COL22A1: variants seen among roughly 807,000 people sequenced by gnomAD.
The protein encoded by COL22A1 is collagen alpha-1(XXII) chain.
A neutral mutation model predicts 248.9 loss-of-function variants in COL22A1; 221 were observed. The ratio of observed to expected loss-of-function variants is 0.89; its 90% CI spans 0.80 to 0.99. The LOEUF (loss-of-function observed/expected upper bound fraction) is 0.99, where lower values mean the gene tolerates loss of function less well. COL22A1 is among the 50% of genes least tolerant of loss of function. The pLI is 0.00. For missense variants in COL22A1, 2,240 were observed against 2,179.0 expected (o/e 1.03, Z -0.56); for synonymous variants, 891 against 793.4 (o/e 1.12, Z -2.07).
At chr8:138,876,919 G>C (rs535708172) in intron 3 of COL22A1, among the ~76,000 whole-genome samples, 1 of 152,366 alleles carries the variant, frequency 6.6e-6, no homozygotes, top group African/African-American at 2.4e-5. Context: ...AGCACCCACT[G>C]TGACTGGAGA....
At chr8:138,727,292 A>T (rs1247128078) in intron 23 of COL22A1, among the ~76,000 whole-genome samples, 1 of 151,642 alleles carries the variant, frequency 6.6e-6, no homozygotes, top group South Asian at 2.1e-4. Context: ...CTTCTGAGCC[A>T]TCTCCACCTT....
At chr8:138,602,032 G>T in intron 60 of COL22A1, 83 bp downstream of exon 60, 1 of 1,500,420 alleles carries the variant, frequency 6.7e-7, no homozygotes, top group Non-Finnish European at 9.3e-7. Context: ...AACTGCCTTG[G>T]ACAAAGGCCA....
intron 3 of COL22A1, among the ~76,000 whole-genome samples, chr8:138,852,982 C>CAA (rs1019994548): frequency 1.0e-4 from 14 of 138,408 alleles, no homozygotes; most frequent in African/African-American, 2.7e-4. Flanking sequence ...ATATCTACTA[C>CAA]AAAAAAAAAA....
At chr8:138,853,108 G>T (rs2131911773) in intron 3 of COL22A1, among the ~76,000 whole-genome samples, 1 of 152,288 alleles carries the variant, frequency 6.6e-6, no homozygotes, top group East Asian at 1.9e-4. Context: ...CCAGAAGGGA[G>T]AGGCTACAGT....
intron 30 of COL22A1, among the ~76,000 whole-genome samples, chr8:138,707,458 C>T (rs1828567087): frequency 6.6e-6 from 1 of 152,156 alleles, no homozygotes; most frequent in African/African-American, 2.4e-5. Context: ...TGGCTTCATC[C>T]CTGGGATGCA....
At chr8:138,616,881 T>TG in intron 54 of COL22A1, 33 bp downstream of exon 54, 1 of 1,613,606 alleles carries the variant, frequency 6.2e-7, no homozygotes, top group Non-Finnish European at 8.5e-7. Flanking sequence ...TCTGCCCACC[T>TG]GGGGGGACCT....
At chr8:138,697,670 C>T (rs750713631) in intron 32 of COL22A1, among the ~76,000 whole-genome samples, 7 of 152,178 alleles carry the variant, frequency 4.6e-5, no homozygotes, top group Non-Finnish European at 1.0e-4. Context: ...CCCTCATCTC[C>T]TTTCCATTCT....
At chr8:138,829,401 C>CTTTTTTT (rs1483155408) in intron 5 of COL22A1, among the ~76,000 whole-genome samples, 4 of 82,238 alleles carry the variant, frequency 4.9e-5, no homozygotes, top group Admixed American at 1.5e-4. Context: ...CCTTCCTTTC[C>CTTTTTTT]TGTTTTTTTT....
intron 46 of COL22A1, among the ~76,000 whole-genome samples, chr8:138,648,168 CA>C (rs1452438861): frequency 6.6e-6 from 1 of 152,222 alleles, no homozygotes; most frequent in Non-Finnish European, 1.5e-5. Context: ...TATTCTTAGT[CA>C]AATCAGCTTT....
At chr8:138,718,273 G>C (rs1012652806) in intron 27 of COL22A1, among the ~76,000 whole-genome samples, 1 of 152,186 alleles carries the variant, frequency 6.6e-6, no homozygotes, top group African/African-American at 2.4e-5. Context: ...AGCACAATTA[G>C]TAAGAATTGC....
intron 62 of COL22A1, among the ~76,000 whole-genome samples, chr8:138,595,763 G>C (rs577701403): frequency 1.3e-5 from 2 of 152,278 alleles, no homozygotes; most frequent in African/African-American, 4.8e-5. Flanking sequence ...TCTCGCAATG[G>C]GAGGTGCAAG....
At chr8:138,628,818 T>C (rs538057760) in intron 50 of COL22A1, among the ~76,000 whole-genome samples, 3 of 145,774 alleles carry the variant, frequency 2.1e-5, no homozygotes, top group African/African-American at 5.3e-5. Context: ...CAGGCTGGAG[T>C]GCGGTGGCGC....
chr8:138,896,937 C>A (rs560726447), intron 1 of COL22A1, among the ~76,000 whole-genome samples: 3 of 151,680 alleles, frequency 2.0e-5, no homozygotes, highest in African/African-American at 7.3e-5. Context: ...TGTGCCACTG[C>A]ACTCCAGCCT....
chr8:138,658,275 C>G (rs1823473986), intron 44 of COL22A1, among the ~76,000 whole-genome samples: 1 of 152,208 alleles, frequency 6.6e-6, no homozygotes, highest in Non-Finnish European at 1.5e-5. Context: ...CTGCCTGGTT[C>G]CTGGGAATTA....
In COL22A1 at chr8:138,824,613, G is replaced by T. The variant is rs186679500; in HGVS notation, c.969+2045C>A. On this transcript the variant is annotated intron_variant, in intron 6 of 64. Transcript: ENST00000303045. ...AATGGGGAAAATGTCAGCTTTTAAG[G>T]GTGGTTGTAAATGGCAAATGAAAGC... is the stretch of plus-strand genomic sequence containing the variant. 3.6e-3 allele frequency among the ~76,000 whole-genome samples: 552 copies of T among 152,260 alleles called. 16 individuals are homozygous for T. Among genetic ancestry groups the T allele is most frequent in the Admixed American group, 0.031 (479 of 15,280 alleles).
chr8:138,805,077 G>A (rs1293830792), intron 10 of COL22A1, among the ~76,000 whole-genome samples: 5 of 131,472 alleles, frequency 3.8e-5, no homozygotes, highest in Non-Finnish European at 6.3e-5. Context: ...GTGTGTGTGT[G>A]TTAGTGTAGG....
intron 4 of COL22A1, among the ~76,000 whole-genome samples, chr8:138,843,509 C>T (rs555621676): frequency 7.2e-5 from 11 of 152,224 alleles, no homozygotes; most frequent in Non-Finnish European, 1.0e-4. Context: ...GCAGGGTGCC[C>T]GGCCACAGGG....
At chr8:138,651,999 A>G (rs1350457027) in intron 45 of COL22A1, among the ~76,000 whole-genome samples, 5 of 152,158 alleles carry the variant, frequency 3.3e-5, no homozygotes, top group Non-Finnish European at 5.9e-5. Context: ...GGAGACCCAG[A>G]CCTACCTGTG....
intron 45 of COL22A1, among the ~76,000 whole-genome samples, chr8:138,651,883 T>C (rs1021044746): frequency 1.3e-5 from 2 of 152,218 alleles, no homozygotes; most frequent in African/African-American, 4.8e-5. Flanking sequence ...ACCTGAGTAA[T>C]ACAAAAATCT....
Sources: gnomAD v4.1 joint callset for allele counts (sites outside exome capture counted in the v4.1 genomes callset) on GRCh38, gnomAD v4.1.1 for gene constraint, MANE v1.5 for transcripts, NCBI Gene and HGNC (gene_info 2026-07-23, HGNC 2026-07-21) for gene names.